DCAF7: variants seen among roughly 807,000 people sequenced by gnomAD.
DCAF7 encodes DDB1 and CUL4 associated factor 7.
DCAF7 carries 4 observed loss-of-function variants against 41.2 expected under a neutral mutation model. The ratio of observed to expected loss-of-function variants is 0.10; its 90% CI spans 0.05 to 0.22. The LOEUF (loss-of-function observed/expected upper bound fraction) is 0.22. Ranked by LOEUF, DCAF7 falls within the 10% of genes least tolerant of loss-of-function variation. The pLI is 1.00. For synonymous variants in DCAF7, 143 were observed against 164.2 expected (o/e 0.87, Z 0.99); for missense variants, 131 against 443.2 (o/e 0.30, Z 6.32).
At chr17:63,559,375 GTGTATATATATGTA>G (rs1448573623) in intron 1 of DCAF7, among the ~76,000 whole-genome samples, 2 of 81,168 alleles carry the variant, frequency 2.5e-5, no homozygotes, top group East Asian at 5.0e-4. Context: ...ATATATATAT[GTGTATATATATGTA>G]TATATATATG....
At position 63,550,774 on chromosome 17, in the gene DCAF7, CGCTTGG is replaced by C; in HGVS notation, c.98_103del (p.Arg33_Ala35delinsPro). 6.2e-7 allele frequency: 1 copy of C among 1,613,908 alleles called. No individual in the cohort carries two copies. Among genetic ancestry groups the C allele is most frequent in the Non-Finnish European group, 8.5e-7 (1 of 1,179,828 alleles). On this transcript the variant is annotated inframe_deletion, in exon 1 of 7. Transcript: ENST00000614556. This position sits in a 1 kb window ranked among gnomAD's most constrained non-coding sequence, Gnocchi z 4.8. Reference sequence around the variant, plus strand: ...GAGTGTGCGGCCCGATAAGCGCTTTCGCTTGGCGCTGGGCAGCTTCGTGGAGGAGTA... The same window carrying C: ...GAGTGTGCGGCCCGATAAGCGCTTTCCGCTGGGCAGCTTCGTGGAGGAGTA...
At position 63,593,717 on chromosome 17, in the gene DCAF7, G is replaced by A. The variant is rs1197314776; in HGVS notation, c.*4545G>A. On this transcript the variant is annotated 3_prime_UTR_variant, in exon 7 of 7. Coordinates refer to ENST00000614556, the MANE Select transcript of DCAF7 (RefSeq NM_005828.5). ...TAGTTGAGTCTGACTCACTTGCTTT[G>A]GTTCCTGTGTATTTTACTACCCCTC... 6.6e-6 allele frequency: 1 copy of A among 152,590 alleles called. No individual in the cohort carries two copies. Among genetic ancestry groups the A allele is most frequent in the Non-Finnish European group, 1.5e-5 (1 of 68,048 alleles). 9.5% of individuals were successfully genotyped at this position (152,590 alleles called of 1,614,324 possible). A position where few individuals can be genotyped will look rare whatever the true frequency, so the allele number is the denominator to read the frequency against.
rs2033716462 is a variant in DCAF7 at position 63,589,858 on chromosome 17, T to C, written c.*686T>C. 6.5e-6 allele frequency: 1 copy of C among 153,756 alleles called. No homozygotes were observed. Among genetic ancestry groups the C allele is most frequent in the Admixed American group, 6.5e-5 (1 of 15,384 alleles). The allele number at this position is 153,756 out of a possible 1,614,324, so 9.5% of individuals were successfully genotyped here. A position where few individuals can be genotyped will look rare whatever the true frequency, so the allele number is the denominator to read the frequency against. On this transcript the variant is annotated 3_prime_UTR_variant, in exon 7 of 7. Transcript: ENST00000614556. The stretch of plus-strand genomic sequence containing the variant: ...ACCTGACCGGGAGTCCAAACCACCT[T>C]GGTGCTCTGAAGTCCACTGACTCAT...
At chr17:63,579,585 T>G in intron 3 of DCAF7, 137 bp downstream of exon 3, 1 of 706,216 alleles carries the variant, frequency 1.4e-6, no homozygotes, top group African/African-American at 1.8e-5. Context: ...ATTTATTAAT[T>G]CCTTTGTGTG....
chr17:63,558,809 T>C (rs2147759593), intron 1 of DCAF7, among the ~76,000 whole-genome samples: 1 of 152,328 alleles, frequency 6.6e-6, no homozygotes, highest in Admixed American at 6.5e-5. Flanking sequence ...AAACTGATTG[T>C]TTCTACAGAT....
intron 1 of DCAF7, among the ~76,000 whole-genome samples, chr17:63,568,057 G>A (rs1238285660): frequency 6.6e-6 from 1 of 152,022 alleles, no homozygotes; most frequent in Non-Finnish European, 1.5e-5. Flanking sequence ...GTCTCGCTCT[G>A]TTGCCCAGGC....
chr17:63,579,692 G>T, intron 3 of DCAF7, 133 bp from the exon 4 acceptor site: 1 of 781,426 alleles, frequency 1.3e-6, no homozygotes, highest in South Asian at 1.8e-5. Flanking sequence ...GGCTCTGCCG[G>T]TAGCCCCCAC....
In DCAF7 at chr17:63,550,905, C is replaced by G. The variant is rs1438322781; in HGVS notation, c.138+90C>G. The G allele has an allele frequency of 6.6e-7, 1 of 1,524,318 alleles. No homozygotes were observed. The highest frequency in any genetic ancestry group is 8.8e-7 in the Non-Finnish European group (1 of 1,136,488). 94.4% of individuals were successfully genotyped at this position (1,524,318 alleles called of 1,614,324 possible). A position where few individuals can be genotyped will look rare whatever the true frequency, so the allele number is the denominator to read the frequency against. ...GCCGGAGCCCAGGCCTCAGAACCCT[C>G]TTGCGGACTCGCCCTAGGGCCACGG... On this transcript the variant is annotated intron_variant, in intron 1 of 6. Transcript: ENST00000614556. The surrounding 1 kb of genome is among the most constrained non-coding windows in gnomAD (Gnocchi z 4.8).
intron 1 of DCAF7, among the ~76,000 whole-genome samples, chr17:63,557,379 C>T (rs189276129): frequency 1.4e-4 from 21 of 152,172 alleles, no homozygotes; most frequent in Admixed American, 1.4e-3. Flanking sequence ...CACAGTGGTT[C>T]ACTCCTGTAA....
intron 2 of DCAF7, among the ~76,000 whole-genome samples, chr17:63,579,054 G>A (rs933585797): frequency 3.3e-5 from 5 of 152,180 alleles, no homozygotes; most frequent in East Asian, 1.9e-4. Flanking sequence ...TAGCATGGGC[G>A]TGGCCTTAGT....
intron 1 of DCAF7, among the ~76,000 whole-genome samples, chr17:63,568,247 C>T (rs376140391): frequency 6.6e-6 from 1 of 152,024 alleles, no homozygotes; most frequent in Non-Finnish European, 1.5e-5. Flanking sequence ...GTGATCCACC[C>T]GCCTCAGCCT....
intron 1 of DCAF7, among the ~76,000 whole-genome samples, chr17:63,557,072 A>G (rs928264050): frequency 6.6e-6 from 1 of 152,164 alleles, no homozygotes; most frequent in Non-Finnish European, 1.5e-5. Flanking sequence ...CAATAGCTGT[A>G]GAAAGATGCT....
intron 1 of DCAF7, among the ~76,000 whole-genome samples, chr17:63,568,981 G>C (rs1313757882): frequency 6.6e-6 from 1 of 152,208 alleles, no homozygotes; most frequent in Non-Finnish European, 1.5e-5. Flanking sequence ...GGTTAGCTCA[G>C]AAGTCCAACC....
Position 63,576,422 on chromosome 17 carries a change from G to A in DCAF7, c.139-2048G>A, listed in dbSNP as rs1255818545. ...GACTGTGCCCATTGCACTCCAGCCT[G>A]GGTGACAAGAGCAAAACTCCGTCTC... On this transcript the variant is annotated intron_variant, in intron 1 of 6. Transcript: ENST00000614556. Among the ~76,000 whole-genome samples, 63 of 152,094 alleles carry A rather than the reference G, an allele frequency of 4.1e-4. 1 individual carries two copies. Among genetic ancestry groups the A allele is most frequent in the Admixed American group, 4.1e-3 (63 of 15,262 alleles).
At chr17:63,587,984 TAAAA>T (rs750564406) in intron 6 of DCAF7, among the ~76,000 whole-genome samples, 7 of 117,158 alleles carry the variant, frequency 6.0e-5, no homozygotes, top group African/African-American at 1.8e-4. Context: ...AGACTCCATT[TAAAA>T]AAAAAAAAAA....
intron 1 of DCAF7, among the ~76,000 whole-genome samples, chr17:63,554,462 A>G (rs562189934): frequency 3.3e-5 from 5 of 152,380 alleles, no homozygotes; most frequent in African/African-American, 9.6e-5. Context: ...TCTGTTGGCC[A>G]GAGGCGAGAA....
chr17:63,571,960 G>A (rs1296944627), intron 1 of DCAF7, among the ~76,000 whole-genome samples: 1 of 151,864 alleles, frequency 6.6e-6, no homozygotes, highest in Non-Finnish European at 1.5e-5. Flanking sequence ...GGCAGTACAA[G>A]CAGAAGTAAG....
rs555655965 is a variant in DCAF7, at chr17:63,563,147, A to G, written c.138+12332A>G. On this transcript the variant is annotated intron_variant, in intron 1 of 6. Coordinates refer to ENST00000614556, the MANE Select transcript of DCAF7 (RefSeq NM_005828.5). The stretch of plus-strand genomic sequence containing the variant: ...GCCTGGCGGAAAATATTTTCAAAAC[A>G]TGACAGACAATAGTAGCTAATACTC... Among the ~76,000 whole-genome samples, 9 of 152,348 alleles carry G rather than the reference A, an allele frequency of 5.9e-5. No individual in the cohort carries two copies. The East Asian group carries it at 1.7e-3, about 29-fold the overall frequency.
At chr17:63,559,281 A>G (rs896214520) in intron 1 of DCAF7, among the ~76,000 whole-genome samples, 10 of 146,784 alleles carry the variant, frequency 6.8e-5, no homozygotes, top group Middle Eastern at 3.5e-3. Context: ...ATTGCACTCC[A>G]GCCCGGGTGA....
Sources: allele counts gnomAD v4.1 joint callset (sites outside exome capture counted in the v4.1 genomes callset), GRCh38; gene constraint gnomAD v4.1.1; non-coding constraint Gnocchi (gnomAD v3.1); transcripts MANE v1.5; gene names NCBI Gene and HGNC (gene_info 2026-07-23, HGNC 2026-07-21).